PIK3C2G: variants seen among roughly 807,000 people sequenced by gnomAD.
PIK3C2G encodes phosphatidylinositol-4-phosphate 3-kinase catalytic subunit type 2 gamma.
Under a neutral mutation model 181.1 loss-of-function variants are expected in PIK3C2G, and 168 were observed. The ratio of observed to expected loss-of-function variants is 0.93; its 90% CI spans 0.82 to 1.05. The LOEUF (loss-of-function observed/expected upper bound fraction) is 1.05. PIK3C2G is among the 50% of genes least tolerant of loss of function. The pLI is 0.00. For missense variants in PIK3C2G, 1,869 were observed against 1,732.8 expected (o/e 1.08, Z -1.40); for synonymous variants, 573 against 592.2 (o/e 0.97, Z 0.47).
At chr12:18,312,478 T>C (rs1253276850) in intron 5 of PIK3C2G, among the ~76,000 whole-genome samples, 1 of 151,938 alleles carries the variant, frequency 6.6e-6, no homozygotes, top group Non-Finnish European at 1.5e-5. Flanking sequence ...GCTCTTAGCA[T>C]GGAAAAAAGA....
chr12:18,413,555 C>A lies in PIK3C2G; in HGVS notation c.2316-7386C>A, dbSNP rs541016573. The stretch of plus-strand genomic sequence containing the variant: ...TCTCAAGCCAGATGTCCATTTGTTA[C>A]ATTGTAATAATCCATTTTATGATTG... On this transcript the variant is annotated intron_variant, in intron 16 of 32. Coordinates refer to ENST00000538779, the MANE Select transcript of PIK3C2G (RefSeq NM_001288772.2). Among the ~76,000 whole-genome samples, 33 of 152,054 alleles carry A rather than the reference C, an allele frequency of 2.2e-4. No individual in the cohort carries two copies. The East Asian group carries it at 6.2e-3, about 29-fold the overall frequency.
At chr12:18,257,465 GCAGATGAA>G (rs1182657364), upstream of PIK3C2G, among the ~76,000 whole-genome samples, 1 of 152,076 alleles carries the variant, frequency 6.6e-6, no homozygotes, top group Non-Finnish European at 1.5e-5. Context: ...TGGGACTATT[GCAGATGAA>G]CAATCCACTA....
At chr12:18,664,368 A>C in the PIK3C2G span, among the ~76,000 whole-genome samples, 1 of 152,238 alleles carries the variant, frequency 6.6e-6, no homozygotes, top group Non-Finnish European at 1.5e-5. Context: ...GGAGTAACCC[A>C]AATATCCATT....
chr12:18,316,001 T>A (rs1386147751), intron 6 of PIK3C2G, among the ~76,000 whole-genome samples: 1 of 151,982 alleles, frequency 6.6e-6, no homozygotes, highest in Non-Finnish European at 1.5e-5. Context: ...ATATTATATA[T>A]GGTTATATAT....
chr12:18,689,775 G>T, the PIK3C2G span, among the ~76,000 whole-genome samples: 1 of 152,126 alleles, frequency 6.6e-6, no homozygotes, highest in Non-Finnish European at 1.5e-5. Flanking sequence ...CAGATTGCAG[G>T]TGACGAAGAG....
At chr12:18,523,397 G>T (rs747413017) in intron 24 of PIK3C2G, among the ~76,000 whole-genome samples, 8 of 152,140 alleles carry the variant, frequency 5.3e-5, no homozygotes, top group Non-Finnish European at 7.3e-5. Flanking sequence ...TGATAGAGCT[G>T]TACTATTTAG....
the PIK3C2G span, among the ~76,000 whole-genome samples, chr12:18,697,291 A>G: frequency 6.6e-6 from 1 of 152,148 alleles, no homozygotes; most frequent in African/African-American, 2.4e-5. Flanking sequence ...ATTACAGTTA[A>G]TTTTATCAAT....
intron 18 of PIK3C2G, among the ~76,000 whole-genome samples, chr12:18,465,371 GTTTA>G (rs1364770279): frequency 1.3e-5 from 2 of 151,826 alleles, no homozygotes; most frequent in Admixed American, 6.6e-5. Context: ...ATTAGTAGCT[GTTTA>G]TTTAGTAAAT....
chr12:18,321,571 T>A (rs1256681480), intron 7 of PIK3C2G, among the ~76,000 whole-genome samples: 1 of 152,176 alleles, frequency 6.6e-6, no homozygotes, highest in Non-Finnish European at 1.5e-5. Context: ...TTTGGGTGTA[T>A]CTGCAGTTAA....
At chr12:18,705,735 G>A in the PIK3C2G span, among the ~76,000 whole-genome samples, 1 of 151,488 alleles carries the variant, frequency 6.6e-6, no homozygotes, top group African/African-American at 2.4e-5. Context: ...GTGTGGTAGT[G>A]TGTGCCTGTA....
At chr12:18,531,359 A>T (rs1943545541) in intron 24 of PIK3C2G, among the ~76,000 whole-genome samples, 1 of 152,222 alleles carries the variant, frequency 6.6e-6, no homozygotes, top group African/African-American at 2.4e-5. Flanking sequence ...AATAAATAAT[A>T]CAAAGAGATT....
intron 29 of PIK3C2G, among the ~76,000 whole-genome samples, chr12:18,579,973 A>C (rs1946412949): frequency 6.6e-6 from 1 of 152,036 alleles, no homozygotes; most frequent in Non-Finnish European, 1.5e-5. Flanking sequence ...TGTCTACTAA[A>C]AATACAAAAA....
intron 32 of PIK3C2G, among the ~76,000 whole-genome samples, chr12:18,641,433 G>T (rs1011861857): frequency 2.0e-5 from 3 of 152,064 alleles, no homozygotes; most frequent in African/African-American, 7.2e-5. Flanking sequence ...CAGCACTACT[G>T]ACCACAGCCC....
chr12:18,439,650 T>C (rs1946633339), intron 18 of PIK3C2G, among the ~76,000 whole-genome samples: 1 of 152,034 alleles, frequency 6.6e-6, no homozygotes, highest in African/African-American at 2.4e-5. Context: ...AAATGTCTCA[T>C]GAATCAATAC....
chr12:18,513,722 A>G (rs1942356250), intron 24 of PIK3C2G, among the ~76,000 whole-genome samples: 1 of 151,588 alleles, frequency 6.6e-6, no homozygotes, highest in Admixed American at 6.6e-5. Flanking sequence ...TTGTATCACC[A>G]TCTTGTAAAC....
chr12:18,608,285 T>C, intron 30 of PIK3C2G, among the ~76,000 whole-genome samples: 1 of 151,910 alleles, frequency 6.6e-6, no homozygotes, highest in Non-Finnish European at 1.5e-5. Context: ...CTATTCACAA[T>C]AGCAAAGACT....
At position 18,562,736 on chromosome 12, in the gene PIK3C2G, TA is replaced by T; in HGVS notation, c.3627del (p.Lys1209AsnfsTer2). On this transcript the variant is annotated frameshift_variant, in exon 27 of 33. Coordinates refer to ENST00000538779, the MANE Select transcript of PIK3C2G (RefSeq NM_001288772.2). LOFTEE classifies it high-confidence loss of function. ...IKESLECFPV[K>X]LNNLIHTLAQ... Reference sequence around the variant, plus strand: ...AGGAAAGTCTGGAGTGTTTCCCTGTTAAATTGAATAACTTGATCCACACACT... The same window carrying T: ...AGGAAAGTCTGGAGTGTTTCCCTGTTAATTGAATAACTTGATCCACACACT... 2 of 1,604,488 alleles carry T rather than the reference TA, an allele frequency of 1.2e-6. No individual in the cohort carries two copies. The highest frequency in any genetic ancestry group is 2.2e-5 in the South Asian group (2 of 89,274).
rs575737983 is a variant in PIK3C2G at position 18,479,210 on chromosome 12, A to C, written c.2505-9239A>C. On this transcript the variant is annotated intron_variant, in intron 18 of 32. Transcript: ENST00000538779. ...AAAGAAAGAAGGCAACCTGGAGAAC[A>C]TGAGACTTCAGAGTGTTAGGAACCA... Among the ~76,000 whole-genome samples, 261 of 152,248 alleles carry C rather than the reference A, an allele frequency of 1.7e-3. 4 individuals carry two copies. In the South Asian group the frequency reaches 0.027, roughly 16 times the overall value.
chr12:18,676,494 C>A, the PIK3C2G span, among the ~76,000 whole-genome samples: 1 of 152,080 alleles, frequency 6.6e-6, no homozygotes, highest in Admixed American at 6.6e-5. Context: ...GTACTCTCAA[C>A]CACCTGAGGA....
Sources: allele counts gnomAD v4.1 joint callset (sites outside exome capture counted in the v4.1 genomes callset), GRCh38; gene constraint gnomAD v4.1.1; transcripts MANE v1.5; gene names NCBI Gene and HGNC (gene_info 2026-07-23, HGNC 2026-07-21).